SPATA25: variants seen among roughly 807,000 people sequenced by gnomAD.
SPATA25 encodes the protein spermatogenesis-associated protein 25.
SPATA25 carries 16 observed loss-of-function variants against 16.0 expected under a neutral mutation model. The observed-to-expected ratio is 1.00, with a 90% CI of 0.68 to 1.52. The LOEUF is 1.52. SPATA25 is among the 40% of genes most tolerant of loss of function. SPATA25 has a pLI of 0.00. For missense variants in SPATA25, 285 were observed against 289.2 expected (o/e 0.99, Z 0.11); for synonymous variants, 115 against 118.5 (o/e 0.97, Z 0.19).
upstream of SPATA25, chr20:45,890,594 G>A (rs773310703): frequency 3.7e-6 from 6 of 1,612,342 alleles, no homozygotes; most frequent in Admixed American, 5.0e-5. Context: ...GCTGGGGGCC[G>A]CTGCCTCCGC....
upstream of SPATA25, chr20:45,888,895 A>C: frequency 6.2e-7 from 1 of 1,613,864 alleles, no homozygotes; most frequent in East Asian, 2.2e-5. Context: ...AGACTGTGAA[A>C]GGCAAACTGA....
At chr20:45,888,572 C>T, upstream of SPATA25, 1 of 601,986 alleles carries the variant, frequency 1.7e-6, no homozygotes, top group East Asian at 2.9e-5. Flanking sequence ...ACCTGCTGAC[C>T]TGCAGTGATT....
upstream of SPATA25, chr20:45,890,635 G>T: frequency 6.2e-7 from 1 of 1,613,258 alleles, no homozygotes. Context: ...GCACGCGGTT[G>T]TGGTGGCGCG....
chr20:45,890,802 G>T (rs759769992), upstream of SPATA25: 3 of 1,595,438 alleles, frequency 1.9e-6, no homozygotes, highest in Non-Finnish European at 2.6e-6. Context: ...AGGAAGACCT[G>T]GCCCGGGGCC....
chr20:45,890,870 G>A (rs777749062), upstream of SPATA25: 1 of 1,567,730 alleles, frequency 6.4e-7, no homozygotes, highest in Non-Finnish European at 8.7e-7. Context: ...TGTGGCCCGC[G>A]TCCCAGAGGG....
At chr20:45,890,847 A>G (rs1223123882), upstream of SPATA25, 2 of 1,569,926 alleles carry the variant, frequency 1.3e-6, no homozygotes, top group Non-Finnish European at 1.7e-6. Flanking sequence ...CCGTGGGCGA[A>G]GCTCTCCACG....
At chr20:45,890,366 TTGA>T (rs766456407), upstream of SPATA25, 11 of 1,612,588 alleles carry the variant, frequency 6.8e-6, no homozygotes, top group Non-Finnish European at 9.3e-6. Flanking sequence ...GTCCTCGCCG[TTGA>T]TGATGATGTG....
chr20:45,887,434 G>GC (rs1485429752), intron 1 of SPATA25, 102 bp downstream of exon 1: 28 of 1,127,120 alleles, frequency 2.5e-5, no homozygotes, highest in Admixed American at 7.4e-5. Flanking sequence ...TCTAGGGCCA[G>GC]CCCCCAAATG....
chr20:45,890,999 C>A (rs1305673683), upstream of SPATA25: 1 of 1,481,446 alleles, frequency 6.8e-7, no homozygotes, highest in South Asian at 1.4e-5. Flanking sequence ...CATCTCTCGG[C>A]CATAGGGCAG....
chr20:45,888,048 C>T (rs765914014), upstream of SPATA25, among the ~76,000 whole-genome samples: 114 of 152,252 alleles, frequency 7.5e-4, 2 homozygotes, highest in Middle Eastern at 3.4e-3. Context: ...CTCACTTTGT[C>T]GCCATGACTG....
chr20:45,890,331 G>T (rs1200033813), upstream of SPATA25: 3 of 1,613,014 alleles, frequency 1.9e-6, no homozygotes, highest in Admixed American at 3.3e-5. Flanking sequence ...TGCGCAGCTG[G>T]CAGTCCCCGG....
At chr20:45,890,381 A>C, upstream of SPATA25, 2 of 1,612,830 alleles carry the variant, frequency 1.2e-6, no homozygotes, top group Non-Finnish European at 1.7e-6. Context: ...GATGATGTGC[A>C]TGTCGGCCGT....
In SPATA25 at chr20:45,887,018, C is replaced by T. The variant is rs750649277; in HGVS notation, c.183G>A (p.Trp61Ter). Residue 61 changes from tryptophan (W) to a stop codon, truncating the protein, a stop_gained, in exon 2 of 2, where the codon TGG (tryptophan) becomes TGA (stop). Coordinates refer to ENST00000372519, the MANE Select transcript of SPATA25 (RefSeq NM_080608.4). LOFTEE classifies it high-confidence loss of function. ...AEQVAPAAQAWGPALAMPQAR... is the reference protein window; with the variant it reads ...AEQVAPAAQA The stretch of plus-strand genomic sequence containing the variant: ...CTTGTGGCATTGCCAGGGCTGGGCC[C>T]CAGGCCTGGGCAGCAGGTGCCACCT... 8 of 1,613,206 alleles carry T rather than the reference C, an allele frequency of 5.0e-6. No individual in the cohort carries two copies. Among genetic ancestry groups the T allele is most frequent in the East Asian group, 4.5e-5 (2 of 44,882 alleles).
At chr20:45,887,695 G>T, upstream of SPATA25, 1 of 1,047,090 alleles carries the variant, frequency 9.6e-7, no homozygotes, top group Non-Finnish European at 1.4e-6. Flanking sequence ...CTTCACACTT[G>T]GAATCCACTT....
At chr20:45,889,869 C>A (rs924541330), upstream of SPATA25, among the ~76,000 whole-genome samples, 1 of 152,206 alleles carries the variant, frequency 6.6e-6, no homozygotes, top group Non-Finnish European at 1.5e-5. Flanking sequence ...CTGCCTCCCC[C>A]TCCCAAAGTG....
At chr20:45,889,682 C>T (rs979863027), upstream of SPATA25, among the ~76,000 whole-genome samples, 1 of 149,526 alleles carries the variant, frequency 6.7e-6, no homozygotes, top group Non-Finnish European at 1.5e-5. Flanking sequence ...GGTGAGATCT[C>T]GGCTCATTGC....
chr20:45,890,256 A>G, upstream of SPATA25: 1 of 1,613,716 alleles, frequency 6.2e-7, no homozygotes, highest in Non-Finnish European at 8.5e-7. Context: ...CTACAGCCAT[A>G]CTCGAGCTGG....
rs758874429 is a variant in SPATA25, at chr20:45,886,540, G to A, written c.661C>T (p.Gln221Ter). The change falls in exon 2 of 2, where the codon CAG (glutamine) becomes TAG (stop). Residue 221 changes from glutamine to a stop codon, truncating the protein, a stop_gained. Transcript: ENST00000372519. LOFTEE classifies it high-confidence loss of function. ...ATCTACAAGCAGGAGCCAGGAGGCTGGCCCCTTTTAGATCTCACTAGGGGC... is the reference window on the plus strand; with the variant it reads ...ATCTACAAGCAGGAGCCAGGAGGCTAGCCCCTTTTAGATCTCACTAGGGGC... Reference protein sequence around the residue: ...KMPLVRSKRGQPPGSCL With the variant: ...KMPLVRSKRG 4 of 1,582,424 alleles carry A rather than the reference G, an allele frequency of 2.5e-6. No individual in the cohort carries two copies. The highest frequency in any genetic ancestry group is 2.6e-6 in the Non-Finnish European group (3 of 1,159,486).
At chr20:45,888,528 C>G (rs1601131632), upstream of SPATA25, 3 of 524,290 alleles carry the variant, frequency 5.7e-6, no homozygotes, top group Non-Finnish European at 1.0e-5. Flanking sequence ...CTCTAACAAG[C>G]AGCCAGCCTA....
Sources: allele counts gnomAD v4.1 joint callset (sites outside exome capture counted in the v4.1 genomes callset), GRCh38; gene constraint gnomAD v4.1.1; transcripts MANE v1.5; gene names NCBI Gene and HGNC (gene_info 2026-07-23, HGNC 2026-07-21).